ELFN2: variants seen among roughly 807,000 people sequenced by gnomAD.
The protein encoded by ELFN2 is extracellular leucine rich repeat and fibronectin type III domain containing 2, also known as protein phosphatase 1 regulatory subunit 29.
ELFN2 carries 17 observed loss-of-function variants against 45.5 expected under a neutral mutation model. The observed-to-expected ratio is 0.37, with a 90% CI of 0.26 to 0.56. ELFN2 has a LOEUF of 0.56. Ranked by LOEUF, ELFN2 falls within the 20% of genes least tolerant of loss-of-function variation. The probability of loss-of-function intolerance (pLI) is 0.77; values close to 1 mark genes in which losing one functional copy is unlikely to be tolerated. For synonymous variants in ELFN2, 550 were observed against 551.5 expected (o/e 1.00, Z 0.04); for missense variants, 922 against 1,183.2 (o/e 0.78, Z 3.24).
chr22:37,426,140 G>A (rs537326158), intron 1 of ELFN2, among the ~76,000 whole-genome samples: 41 of 151,778 alleles, frequency 2.7e-4, no homozygotes, highest in African/African-American at 9.4e-4. Flanking sequence ...CCCTCCAGCC[G>A]CAGCTGCTGG....
chr22:37,376,313 C>T (rs1468870257), intron 2 of ELFN2, among the ~76,000 whole-genome samples: 1 of 152,020 alleles, frequency 6.6e-6, no homozygotes, highest in East Asian at 1.9e-4. Flanking sequence ...CCCCCAGCAC[C>T]CTGGAGGCCA....
intron 2 of ELFN2, among the ~76,000 whole-genome samples, chr22:37,412,484 A>C (rs886633328): frequency 6.6e-6 from 1 of 151,664 alleles, no homozygotes; most frequent in African/African-American, 2.4e-5. Flanking sequence ...ACAGCCCCCT[A>C]CCTGATTGCA....
At chr22:37,343,946 G>A (rs1003304087) in intron 1 of ELFN2, among the ~76,000 whole-genome samples, 13 of 152,082 alleles carry the variant, frequency 8.5e-5, no homozygotes, top group African/African-American at 3.1e-4. Context: ...AGAGGGAGTG[G>A]GACAGGGCAG....
intron 2 of ELFN2, among the ~76,000 whole-genome samples, chr22:37,378,727 G>A (rs557223316): frequency 1.5e-4 from 23 of 152,342 alleles, no homozygotes; most frequent in African/African-American, 5.3e-4. Flanking sequence ...GGCTCCCATC[G>A]TGCTGTCCCA....
intron 2 of ELFN2, among the ~76,000 whole-genome samples, chr22:37,382,926 T>A (rs1449944504): frequency 6.6e-6 from 1 of 152,188 alleles, no homozygotes; most frequent in Non-Finnish European, 1.5e-5. Flanking sequence ...TCCTTGTGCT[T>A]CTGTTCATGG....
chr22:37,367,836 C>T (rs1931240336), downstream of ELFN2: 1 of 152,450 alleles, frequency 6.6e-6, no homozygotes, highest in Non-Finnish European at 1.5e-5. Context: ...GCAGTGACCC[C>T]CACCCTGTCC....
At chr22:37,408,236 C>T (rs1171673128) in intron 2 of ELFN2, among the ~76,000 whole-genome samples, 1 of 152,218 alleles carries the variant, frequency 6.6e-6, no homozygotes, top group East Asian at 1.9e-4. Context: ...CAGGTATGTG[C>T]CTGATGATGA....
At position 37,357,504 on chromosome 22, in the gene ELFN2, C is replaced by T. The variant is rs193188406; in HGVS notation, n.149-14801G>A. Among the ~76,000 whole-genome samples the T allele has an allele frequency of 1.7e-4, 26 of 152,278 alleles. No homozygotes were observed. In the East Asian group the frequency reaches 3.5e-3, roughly 20 times the overall value. ...TCCTTTTCCTCTCACACTGATCATC[C>T]TTTTCTTACTGATTTTTAGCCACAC... On this transcript the variant is annotated intron_variant and non_coding_transcript_variant, in intron 1 of 2. Transcript: ENST00000452946.
At chr22:37,401,829 C>T (rs1007510245) in intron 2 of ELFN2, among the ~76,000 whole-genome samples, 3 of 152,238 alleles carry the variant, frequency 2.0e-5, no homozygotes, top group Non-Finnish European at 4.4e-5. Flanking sequence ...AGCTCCACAA[C>T]ACCCTTCGTT....
intron 1 of ELFN2, among the ~76,000 whole-genome samples, chr22:37,345,403 G>A (rs1351347331): frequency 1.3e-5 from 2 of 152,144 alleles, no homozygotes; most frequent in Non-Finnish European, 2.9e-5. Flanking sequence ...CTGAGCCTTA[G>A]TTCCTTATGC....
At chr22:37,410,232 C>T (rs944880985) in intron 2 of ELFN2, among the ~76,000 whole-genome samples, 2 of 152,048 alleles carry the variant, frequency 1.3e-5, no homozygotes, top group Non-Finnish European at 2.9e-5. Flanking sequence ...GAGAGAGAAA[C>T]AGAACGAATG....
In ELFN2 at chr22:37,374,703, C is replaced by T. The variant is rs1342040776; in HGVS notation, c.832G>A (p.Asp278Asn). 1.9e-6 allele frequency: 3 copies of T among 1,611,914 alleles called. No homozygotes were observed. The highest frequency in any genetic ancestry group is 1.7e-6 in the Non-Finnish European group (2 of 1,178,476). The change falls in exon 3 of 3, where the codon GAC becomes AAC. Residue 278 changes from aspartate to asparagine, a missense_variant. Transcript: ENST00000402918. Reference protein sequence around the residue: ...EPDENSGFNPDEILSVEPPAS... With the variant: ...EPDENSGFNPNEILSVEPPAS... Reference sequence around the variant, plus strand: ...GGCGGCTCCACCGAAAGGATCTCGTCGGGGTTGAAGCCCGAGTTCTCGTCT... The same window carrying T: ...GGCGGCTCCACCGAAAGGATCTCGTTGGGGTTGAAGCCCGAGTTCTCGTCT...
intron 2 of ELFN2, among the ~76,000 whole-genome samples, chr22:37,376,991 C>T (rs1931600542): frequency 6.6e-6 from 1 of 152,202 alleles, no homozygotes. Flanking sequence ...GTCAGGAGGC[C>T]TGGAGCCCCA....
chr22:37,374,959 G>T lies in ELFN2; in HGVS notation c.576C>A (p.Asp192Glu), dbSNP rs140261573. Reference sequence around the variant, plus strand: ...CCAGCCAGGCCAGGAAGCCGAAGAGGTCGCACTCACAGTTGAAGGGGTTGC... The same window carrying T: ...CCAGCCAGGCCAGGAAGCCGAAGAGTTCGCACTCACAGTTGAAGGGGTTGC... ...LAGNPFNCEC[D>E]LFGFLAWLVV... Residue 192 changes from aspartate to glutamate, a missense_variant, in exon 3 of 3, where the codon GAC (aspartate) becomes GAA (glutamate). By Grantham distance (45) the Asp-to-Glu change is conservative (BLOSUM62 2). This residue lies in a region of ELFN2 where 358 missense variants were observed against 540.4 expected (regional missense o/e 0.66). Coordinates refer to ENST00000402918, the MANE Select transcript of ELFN2 (RefSeq NM_052906.5). 7.6e-5 allele frequency: 123 copies of T among 1,613,208 alleles called. No homozygotes were observed. The African/African-American group carries it at 1.5e-3, about 20-fold the overall frequency.
intron 2 of ELFN2, among the ~76,000 whole-genome samples, chr22:37,382,093 T>C (rs1006067605): frequency 3.9e-5 from 6 of 152,008 alleles, no homozygotes; most frequent in Non-Finnish European, 5.9e-5. Context: ...GCCGTCCTTA[T>C]GCCTCCCATT....
chr22:37,346,765 C>A (rs144030157), intron 1 of ELFN2, among the ~76,000 whole-genome samples: 1 of 152,048 alleles, frequency 6.6e-6, no homozygotes. Context: ...AGCACACAAC[C>A]GTACACACAC....
At chr22:37,389,014 C>A (rs1277818308) in intron 2 of ELFN2, among the ~76,000 whole-genome samples, 1 of 152,202 alleles carries the variant, frequency 6.6e-6, no homozygotes, top group Non-Finnish European at 1.5e-5. Flanking sequence ...GCATGCGGGG[C>A]TTGGGAGTCA....
At chr22:37,387,570 C>T (rs1245557209) in intron 2 of ELFN2, among the ~76,000 whole-genome samples, 1 of 152,162 alleles carries the variant, frequency 6.6e-6, no homozygotes, top group Non-Finnish European at 1.5e-5. Context: ...GCACCTCGTC[C>T]GCGCTGGTGC....
intron 1 of ELFN2, among the ~76,000 whole-genome samples, chr22:37,347,065 GC>G (rs1014426692): frequency 6.6e-6 from 1 of 151,726 alleles, no homozygotes; most frequent in Non-Finnish European, 1.5e-5. Context: ...TGCAACCTCT[GC>G]CCCCCCGGTT....
Sources: allele counts gnomAD v4.1 joint callset (sites outside exome capture counted in the v4.1 genomes callset), GRCh38; gene constraint gnomAD v4.1.1; regional missense constraint gnomAD v4.1.1; transcripts MANE v1.5; gene names NCBI Gene and HGNC (gene_info 2026-07-23, HGNC 2026-07-21).